The following ATP9A variants were observed in gnomAD, a reference collection of about 807,000 sequenced individuals.
The protein encoded by ATP9A is probable phospholipid-transporting ATPase IIA.
Under a neutral mutation model 144.1 loss-of-function variants are expected in ATP9A, and 52 were observed. That is an observed-to-expected ratio of 0.36 (90% CI 0.29 to 0.45). The LOEUF is 0.45. Among genes scored for constraint, ATP9A ranks in the 20% least tolerant of loss-of-function variants. ATP9A has a pLI of 1.00. For missense variants in ATP9A, 947 were observed against 1,392.7 expected, an observed-to-expected ratio of 0.68 and a Z score of 5.09; for synonymous variants, 582 against 557.4, an observed-to-expected ratio of 1.04 and a Z score of -0.62.
rs143940277 is a variant in ATP9A at position 51,676,486 on chromosome 20, G to A, written c.800-278C>T. 3.7e-3 allele frequency among the ~76,000 whole-genome samples: 567 copies of A among 152,006 alleles called. 5 individuals carry two copies. The highest frequency in any genetic ancestry group is 0.013 in the African/African-American group (547 of 41,476). On this transcript the variant is annotated intron_variant, in intron 9 of 27. Coordinates refer to ENST00000338821, the MANE Select transcript of ATP9A (RefSeq NM_006045.3). Reference sequence around the variant, plus strand: ...CCATGCCTGGCTAACTTTTGGGTTTGTTTTGTTTTGAGGCGGAGTTTTACT... The same window carrying A: ...CCATGCCTGGCTAACTTTTGGGTTTATTTTGTTTTGAGGCGGAGTTTTACT...
intron 5 of ATP9A, among the ~76,000 whole-genome samples, chr20:51,697,126 AT>A (rs892999532): frequency 2.0e-5 from 3 of 152,180 alleles, no homozygotes; most frequent in Non-Finnish European, 4.4e-5. Context: ...ACTTTATGAT[AT>A]TTTTTATCCC....
chr20:51,708,242 C>A (rs989598039), intron 4 of ATP9A, among the ~76,000 whole-genome samples: 1 of 148,734 alleles, frequency 6.7e-6, no homozygotes, highest in African/African-American at 2.5e-5. Context: ...CACTTGAGCT[C>A]GGGAGTTCAA....
At chr20:51,649,535 C>T (rs1216729380) in intron 14 of ATP9A, among the ~76,000 whole-genome samples, 1 of 152,178 alleles carries the variant, frequency 6.6e-6, no homozygotes, top group African/African-American at 2.4e-5. Flanking sequence ...ATTACTACCT[C>T]ATCTTTAGCA....
intron 14 of ATP9A, among the ~76,000 whole-genome samples, chr20:51,654,253 G>A (rs1002769634): frequency 6.6e-6 from 1 of 152,154 alleles, no homozygotes; most frequent in Non-Finnish European, 1.5e-5. Context: ...CAGGCTGGAA[G>A]GAGGAGTCTC....
In ATP9A at chr20:51,601,354, G is replaced by A. The variant is rs2077142256; in HGVS notation, c.3008-7C>T. 6.2e-7 allele frequency: 1 copy of A among 1,605,894 alleles called. No individual in the cohort carries two copies. Among genetic ancestry groups the A allele is most frequent in the Admixed American group, 1.7e-5 (1 of 59,116 alleles). ...GTGGCGATGAAGTACACATCTGCAA[G>A]GAAAGGGGAAGACGGCAGTGAGCAG... is the stretch of plus-strand genomic sequence containing the variant. On this transcript the variant is annotated splice_polypyrimidine_tract_variant and splice_region_variant and intron_variant, in intron 27 of 27. Coordinates refer to ENST00000338821, the MANE Select transcript of ATP9A (RefSeq NM_006045.3).
At chr20:51,676,259 CAGGCAG>C in intron 9 of ATP9A, 51 bp from the exon 10 acceptor site, 1 of 1,412,058 alleles carries the variant, frequency 7.1e-7, no homozygotes, top group Non-Finnish European at 9.7e-7. Context: ...TTAATACAGA[CAGGCAG>C]GCTTGCAAAT....
intron 4 of ATP9A, among the ~76,000 whole-genome samples, chr20:51,706,677 G>C (rs2122841494): frequency 6.6e-6 from 1 of 152,316 alleles, no homozygotes; most frequent in African/African-American, 2.4e-5. Flanking sequence ...TTAAGTCTGG[G>C]AGGTAGAGAC....
intron 1 of ATP9A, among the ~76,000 whole-genome samples, chr20:51,744,182 T>C (rs2077797643): frequency 2.0e-5 from 3 of 152,174 alleles, no homozygotes; most frequent in Non-Finnish European, 2.9e-5. Flanking sequence ...TTGTTTGTTT[T>C]TGAGACAGGG....
chr20:51,765,602 A>G (rs1298651261), intron 1 of ATP9A, among the ~76,000 whole-genome samples: 1 of 144,430 alleles, frequency 6.9e-6, no homozygotes, highest in African/African-American at 2.6e-5. Flanking sequence ...CAGTGAGCCG[A>G]GATCGTGCCA....
intron 15 of ATP9A, among the ~76,000 whole-genome samples, chr20:51,638,293 G>GA (rs11477244): frequency 3.8e-4 from 46 of 121,456 alleles, no homozygotes; most frequent in Admixed American, 6.7e-4. Context: ...ATTTGTCAAG[G>GA]AAAAAAAAAA....
At position 51,661,145 on chromosome 20, in the gene ATP9A, G is replaced by A. The variant is rs553129952; in HGVS notation, c.1294-3995C>T. Among the ~76,000 whole-genome samples the A allele has an allele frequency of 3.9e-5, 6 of 152,260 alleles. No homozygotes were observed. The South Asian group carries it at 1.2e-3, about 32-fold the overall frequency. ...TCCCAGCCAATAAATGAGACACCAA[G>A]GCAGGGAAAATAGGCTTCCCTTTCC... is the stretch of plus-strand genomic sequence containing the variant. On this transcript the variant is annotated intron_variant, in intron 13 of 27. Transcript: ENST00000338821.
chr20:51,692,725 C>T (rs888780766), intron 7 of ATP9A, among the ~76,000 whole-genome samples: 1 of 152,148 alleles, frequency 6.6e-6, no homozygotes, highest in Non-Finnish European at 1.5e-5. Context: ...TTGCTTGAAC[C>T]CAGGAGGTGG....
At chr20:51,691,858 G>A (rs1230477562) in intron 7 of ATP9A, among the ~76,000 whole-genome samples, 1 of 152,208 alleles carries the variant, frequency 6.6e-6, no homozygotes, top group Non-Finnish European at 1.5e-5. Context: ...AAGCATCAGT[G>A]GATGAATGGA....
chr20:51,714,108 T>C (rs1034520493), intron 3 of ATP9A, among the ~76,000 whole-genome samples: 3 of 152,070 alleles, frequency 2.0e-5, no homozygotes, highest in Admixed American at 6.6e-5. Flanking sequence ...GGTTTCACCA[T>C]ATTGGCCAGG....
chr20:51,753,376 G>A (rs13043791), intron 1 of ATP9A, among the ~76,000 whole-genome samples: 19 of 152,118 alleles, frequency 1.2e-4, no homozygotes, highest in East Asian at 3.9e-4. Context: ...ACTTGAACTC[G>A]GAAGGCGGAG....
intron 7 of ATP9A, among the ~76,000 whole-genome samples, chr20:51,691,900 A>G (rs1054515389): frequency 7.2e-5 from 11 of 152,250 alleles, no homozygotes; most frequent in Admixed American, 5.2e-4. Context: ...ATACAATGGA[A>G]TATTACTCAG....
chr20:51,673,783 CT>C (rs1239148396), intron 11 of ATP9A, among the ~76,000 whole-genome samples: 2 of 152,090 alleles, frequency 1.3e-5, no homozygotes, highest in African/African-American at 4.8e-5. Context: ...GGCGCGGTGG[CT>C]CACACCTACA....
At chr20:51,677,685 T>G (rs372687152) in intron 9 of ATP9A, among the ~76,000 whole-genome samples, 1 of 152,118 alleles carries the variant, frequency 6.6e-6, no homozygotes, top group East Asian at 1.9e-4. Context: ...ACTTGCCCAT[T>G]TGGGGATGTC....
intron 1 of ATP9A, among the ~76,000 whole-genome samples, chr20:51,743,417 T>TTTTTTTTTA (rs2077793509): frequency 3.4e-5 from 5 of 146,416 alleles, no homozygotes; most frequent in East Asian, 2.0e-4. Flanking sequence ...TTTTTTTTTT[T>TTTTTTTTTA]GAGACGGAGT....
Sources: allele counts gnomAD v4.1 joint callset (sites outside exome capture counted in the v4.1 genomes callset), GRCh38; gene constraint gnomAD v4.1.1; transcripts MANE v1.5; gene names NCBI Gene and HGNC (gene_info 2026-07-23, HGNC 2026-07-21).